Variants in RAP1GAP observed in about 807,000 individuals in gnomAD.
RAP1GAP encodes the protein RAP1 GTPase activating protein.
In RAP1GAP, 35 loss-of-function variants were observed where a neutral mutation model predicts 87.2. The ratio of observed to expected loss-of-function variants is 0.40; its 90% CI spans 0.31 to 0.53. The LOEUF is 0.53. Among genes scored for constraint, RAP1GAP ranks in the 20% least tolerant of loss-of-function variants. RAP1GAP has a pLI of 0.48. For missense variants in RAP1GAP, 734 were observed against 898.9 expected (o/e 0.82, Z 2.35); for synonymous variants, 375 against 363.9 (o/e 1.03, Z -0.35).
At position 21,668,899 on chromosome 1, in the gene RAP1GAP, T is replaced by A. The variant is rs1030438435; in HGVS notation, c.-149+355A>T. The stretch of plus-strand genomic sequence containing the variant: ...AAACGCGCCCACTTCCCACAGTCCC[T>A]CCTCTAAACCCCAGGCGCCCCCACC... On this transcript the variant is annotated intron_variant, in intron 1 of 24. Transcript: ENST00000374765. The surrounding 1 kb of genome is among the most constrained non-coding windows in gnomAD (Gnocchi z 6.2). Among the ~76,000 whole-genome samples, 1 of 148,868 alleles carries A rather than the reference T, an allele frequency of 6.7e-6. No individual in the cohort carries two copies. Among genetic ancestry groups the A allele is most frequent in the Non-Finnish European group, 1.5e-5 (1 of 66,958 alleles).
Position 21,622,178 on chromosome 1 carries a change from G to A in RAP1GAP, c.-18-2128C>T, listed in dbSNP as rs778867839. ...CCAGGGTCCGGGACCCCAGGGTAGG[G>A]GTGCGCCCCGTGGCCAGTGTCAGCC... On this transcript the variant is annotated intron_variant, in intron 3 of 24. Transcript: ENST00000374765. This position sits in a 1 kb window ranked among gnomAD's most constrained non-coding sequence, Gnocchi z 5.7. Among the ~76,000 whole-genome samples the A allele has an allele frequency of 8.5e-5, 13 of 152,102 alleles. No homozygotes were observed. The highest frequency in any genetic ancestry group is 1.8e-4 in the Non-Finnish European group (12 of 67,984).
At chr1:21,658,970 G>A (rs1316275843) in intron 1 of RAP1GAP, among the ~76,000 whole-genome samples, 1 of 108,920 alleles carries the variant, frequency 9.2e-6, no homozygotes, top group African/African-American at 3.5e-5. Context: ...ACGGAGTTTT[G>A]CCCTTGTCGC....
chr1:21,658,941 CTT>C (rs35740242), intron 1 of RAP1GAP, among the ~76,000 whole-genome samples: 4 of 132,368 alleles, frequency 3.0e-5, no homozygotes, highest in Admixed American at 7.9e-5. Flanking sequence ...ATGAAGAACG[CTT>C]TTTTTTTTTT....
chr1:21,635,782 G>A (rs2094581131), intron 2 of RAP1GAP, among the ~76,000 whole-genome samples: 1 of 152,216 alleles, frequency 6.6e-6, no homozygotes, highest in African/African-American at 2.4e-5. Flanking sequence ...AAGGTGACAT[G>A]GGGAAGCCCT....
In RAP1GAP at chr1:21,606,769, A is replaced by T. The variant is rs554039142; in HGVS notation, c.1297-572T>A. ...CACTGGATCCCCCTGCAAGATGGGGACTAGCAATCATGCCCATTTCATGCC... is the reference window on the plus strand; with the variant it reads ...CACTGGATCCCCCTGCAAGATGGGGTCTAGCAATCATGCCCATTTCATGCC... On this transcript the variant is annotated intron_variant, in intron 17 of 24. Transcript: ENST00000374765. Among the ~76,000 whole-genome samples, 3 of 152,246 alleles carry T rather than the reference A, an allele frequency of 2.0e-5. No homozygotes were observed. In the East Asian group the frequency reaches 5.8e-4, roughly 29 times the overall value.
chr1:21,623,009 A>T (rs2089809767), intron 3 of RAP1GAP: 1 of 152,322 alleles, frequency 6.6e-6, no homozygotes, highest in Admixed American at 6.5e-5. Flanking sequence ...AGTCAGGAAG[A>T]AGTCAAAGTG....
chr1:21,599,426 C>A lies in RAP1GAP; in HGVS notation c.1776+68G>T, dbSNP rs780935111. Reference sequence around the variant, plus strand: ...CCCAGGCTCGTGGTTCTACTCAGGGCATCTCCAGGGACCAAAGAGCCCCCT... The same window carrying A: ...CCCAGGCTCGTGGTTCTACTCAGGGAATCTCCAGGGACCAAAGAGCCCCCT... On this transcript the variant is annotated intron_variant, in intron 21 of 24. Transcript: ENST00000374765. The A allele has an allele frequency of 7.5e-5, 116 of 1,549,770 alleles. No individual in the cohort carries two copies. In the Middle Eastern group the frequency reaches 2.6e-3, roughly 35 times the overall value.
At position 21,605,104 on chromosome 1, in the gene RAP1GAP, G is replaced by T. The variant is rs558541013; in HGVS notation, c.1428+962C>A. On this transcript the variant is annotated intron_variant, in intron 18 of 24. Coordinates refer to ENST00000374765, the MANE Select transcript of RAP1GAP (RefSeq NM_002885.4). ...GGATGGGTGGGGAGCACAGCAGTGG[G>T]TGCAGTGTCCTGGGGTGGCCACTAG... Among the ~76,000 whole-genome samples the T allele has an allele frequency of 1.6e-3, 243 of 152,236 alleles. 1 individual carries two copies. The highest frequency in any genetic ancestry group is 2.9e-3 in the Non-Finnish European group (200 of 67,992).
At chr1:21,607,540 C>T (rs975804734) in intron 17 of RAP1GAP, among the ~76,000 whole-genome samples, 4 of 121,536 alleles carry the variant, frequency 3.3e-5, no homozygotes, top group African/African-American at 1.2e-4. Flanking sequence ...GTTCACACAC[C>T]TCTTCTGAGA....
intron 2 of RAP1GAP, chr1:21,626,999 T>C (rs2092392361): frequency 2.2e-6 from 1 of 456,708 alleles, no homozygotes; most frequent in East Asian, 6.9e-5. Context: ...AAAGCTAGCA[T>C]CTGCATGAGA....
At chr1:21,627,879 C>T (rs2092723300) in intron 2 of RAP1GAP, among the ~76,000 whole-genome samples, 1 of 152,132 alleles carries the variant, frequency 6.6e-6, no homozygotes, top group Non-Finnish European at 1.5e-5. Context: ...CCCAAAAGGA[C>T]AGATATGGTG....
intron 1 of RAP1GAP, chr1:21,651,766 C>G (rs1184536099): frequency 6.9e-7 from 1 of 1,447,342 alleles, no homozygotes; most frequent in Non-Finnish European, 9.1e-7. Flanking sequence ...CCCCGCGCCG[C>G]GCCACGCCCT....
chr1:21,599,425 GCA>G (rs2066355541), intron 21 of RAP1GAP, 67 bp downstream of exon 21: 1 of 1,547,910 alleles, frequency 6.5e-7, no homozygotes, highest in South Asian at 1.2e-5. Flanking sequence ...TCTACTCAGG[GCA>G]TCTCCAGGGA....
chr1:21,619,571 G>A (rs1050646441), intron 4 of RAP1GAP, among the ~76,000 whole-genome samples: 8 of 152,062 alleles, frequency 5.3e-5, no homozygotes, highest in Non-Finnish European at 1.5e-5. Flanking sequence ...TATGTGAAAC[G>A]CAGACGGGGC....
intron 2 of RAP1GAP, among the ~76,000 whole-genome samples, chr1:21,639,069 G>A (rs948105737): frequency 7.2e-5 from 11 of 152,264 alleles, no homozygotes; most frequent in African/African-American, 2.7e-4. Flanking sequence ...TGTGACTTCA[G>A]CTGTCACGTC....
intron 1 of RAP1GAP, among the ~76,000 whole-genome samples, chr1:21,665,600 C>T (rs951919581): frequency 2.0e-5 from 3 of 152,228 alleles, no homozygotes; most frequent in African/African-American, 4.8e-5. Flanking sequence ...GGTGTCTCCC[C>T]ACCAGCACTC....
chr1:21,629,434 T>G (rs1238097968), intron 2 of RAP1GAP, among the ~76,000 whole-genome samples: 1 of 152,164 alleles, frequency 6.6e-6, no homozygotes, highest in Non-Finnish European at 1.5e-5. Flanking sequence ...CTCATGTGGG[T>G]GCAGAACCAG....
At chr1:21,621,917 T>C (rs1436185219) in intron 3 of RAP1GAP, among the ~76,000 whole-genome samples, 2 of 152,116 alleles carry the variant, frequency 1.3e-5, no homozygotes, top group Non-Finnish European at 2.9e-5. Context: ...CACCCACAGC[T>C]ACAGCCTCAG....
Position 21,617,318 on chromosome 1 carries a change from G to C in RAP1GAP, c.279C>G (p.His93Gln), listed in dbSNP as rs1372716850. 4 of 1,577,322 alleles carry C rather than the reference G, an allele frequency of 2.5e-6. No homozygotes were observed. Among genetic ancestry groups the C allele is most frequent in the Admixed American group, 3.7e-5 (2 of 53,834 alleles). Residue 93 changes from histidine to glutamine, a missense_variant, in exon 7 of 25, where the codon CAC becomes CAG. Around this residue, in one of 2 missense-constraint regions of RAP1GAP, gnomAD observed 485 missense variants for 646.2 expected, o/e 0.75. Coordinates refer to ENST00000374765, the MANE Select transcript of RAP1GAP (RefSeq NM_002885.4). ...GCCGGCCACCCACCTTGCCGAGAAAGTGCTTCCGGTAGATGCGGGCTGTGG... is the reference window on the plus strand; with the variant it reads ...GCCGGCCACCCACCTTGCCGAGAAACTGCTTCCGGTAGATGCGGGCTGTGG... Reference protein sequence around the residue: ...CNPTARIYRKHFLGKEHFNYY... With the variant: ...CNPTARIYRKQFLGKEHFNYY...
Sources: allele counts gnomAD v4.1 joint callset (sites outside exome capture counted in the v4.1 genomes callset), GRCh38; gene constraint gnomAD v4.1.1; regional missense constraint gnomAD v4.1.1; non-coding constraint Gnocchi (gnomAD v3.1); transcripts MANE v1.5; gene names NCBI Gene and HGNC (gene_info 2026-07-23, HGNC 2026-07-21).